PKIB: variants seen among roughly 807,000 people sequenced by gnomAD.
PKIB encodes the protein cAMP-dependent protein kinase inhibitor beta.
A neutral mutation model predicts 4.5 loss-of-function variants in PKIB; 2 were observed. That is an observed-to-expected ratio of 0.44 (90% confidence interval 0.18 to 1.39). The LOEUF is 1.39. PKIB is among the 40% of genes most tolerant of loss of function. The pLI is 0.27. For missense variants in PKIB, 94 were observed against 92.6 expected, an observed-to-expected ratio of 1.02 and a Z score of -0.06; for synonymous variants, 38 against 36.0, an observed-to-expected ratio of 1.06 and a Z score of -0.20.
chr6:122,664,272 T>A (rs1241186844), intron 2 of PKIB, among the ~76,000 whole-genome samples: 1 of 152,168 alleles, frequency 6.6e-6, no homozygotes, highest in East Asian at 1.9e-4. Context: ...GCCAGACAAA[T>A]CCTGACATGG....
chr6:122,568,432 G>A (rs1773256167), intron 2 of PKIB, among the ~76,000 whole-genome samples: 1 of 152,172 alleles, frequency 6.6e-6, no homozygotes, highest in Non-Finnish European at 1.5e-5. Flanking sequence ...GCCTCCAGAG[G>A]ACATATCCCC....
chr6:122,705,640 A>G (rs1779029761), intron 3 of PKIB, among the ~76,000 whole-genome samples: 1 of 140,460 alleles, frequency 7.1e-6, no homozygotes, highest in Non-Finnish European at 1.5e-5. Flanking sequence ...ATTTCGACTC[A>G]CTGCAACCTC....
chr6:122,637,389 C>A (rs1442598681), intron 2 of PKIB, among the ~76,000 whole-genome samples: 1 of 152,026 alleles, frequency 6.6e-6, no homozygotes, highest in Non-Finnish European at 1.5e-5. Context: ...TACTAATTTG[C>A]TATTTTATCT....
chr6:122,701,465 A>C, intron 3 of PKIB: 1 of 1,591,160 alleles, frequency 6.3e-7, no homozygotes, highest in Non-Finnish European at 8.6e-7. Flanking sequence ...ATCACCTGCC[A>C]AACACAGGCT....
chr6:122,579,695 T>C (rs1773650318), intron 2 of PKIB, among the ~76,000 whole-genome samples: 1 of 152,210 alleles, frequency 6.6e-6, no homozygotes, highest in Non-Finnish European at 1.5e-5. Flanking sequence ...TACTCTCTAG[T>C]ATTTTCTCTA....
intron 1 of PKIB, among the ~76,000 whole-genome samples, chr6:122,613,959 C>CAA (rs67112737): frequency 0.24 from 18,256 of 77,224 alleles, 2,439 homozygotes; most frequent in Non-Finnish European, 0.3. Flanking sequence ...GAGACTCCAT[C>CAA]AAAAAAAAAA....
At chr6:122,716,499 A>G (rs1779502739) in intron 3 of PKIB, among the ~76,000 whole-genome samples, 3 of 152,194 alleles carry the variant, frequency 2.0e-5, no homozygotes, top group Admixed American at 6.5e-5. Context: ...CAAATTTCCC[A>G]TGATTCCTGG....
intron 3 of PKIB, among the ~76,000 whole-genome samples, chr6:122,707,209 T>C (rs1779098968): frequency 6.6e-6 from 1 of 152,084 alleles, no homozygotes; most frequent in Non-Finnish European, 1.5e-5. Context: ...TTTTTTTTCC[T>C]CTATGACCCA....
At chr6:122,685,931 A>G (rs1486918994) in intron 3 of PKIB, among the ~76,000 whole-genome samples, 1 of 152,146 alleles carries the variant, frequency 6.6e-6, no homozygotes, top group Non-Finnish European at 1.5e-5. Context: ...TGCCTGGCTT[A>G]TTTCAATTAA....
intron 2 of PKIB, among the ~76,000 whole-genome samples, chr6:122,570,737 T>C (rs931848295): frequency 1.1e-4 from 16 of 151,930 alleles, no homozygotes; most frequent in African/African-American, 3.6e-4. Flanking sequence ...AAAAAGAAAT[T>C]AAATAAAAAC....
At chr6:122,667,393 T>C (rs1210939845) in intron 2 of PKIB, among the ~76,000 whole-genome samples, 1 of 151,902 alleles carries the variant, frequency 6.6e-6, no homozygotes, top group African/African-American at 2.4e-5. Context: ...AAAAATTAGC[T>C]GGGCGTGGTG....
intron 2 of PKIB, among the ~76,000 whole-genome samples, chr6:122,573,521 C>CAAAAA (rs61014475): frequency 1.1e-5 from 1 of 87,584 alleles, no homozygotes; most frequent in Non-Finnish European, 2.3e-5. Context: ...GACTCTGTCT[C>CAAAAA]AAAAAAAAAA....
chr6:122,718,227 T>C (rs1779579631), intron 4 of PKIB, among the ~76,000 whole-genome samples: 1 of 152,212 alleles, frequency 6.6e-6, no homozygotes, highest in Admixed American at 6.5e-5. Context: ...AAGCTAGTAA[T>C]TGGGAATACA....
intron 2 of PKIB, among the ~76,000 whole-genome samples, chr6:122,637,401 C>T (rs1775961635): frequency 1.3e-5 from 2 of 152,046 alleles, no homozygotes; most frequent in South Asian, 4.2e-4. Flanking sequence ...ATTTTATCTC[C>T]TGAAGGCACA....
intron 2 of PKIB, among the ~76,000 whole-genome samples, chr6:122,674,601 G>C (rs1294582045): frequency 6.6e-6 from 1 of 152,152 alleles, no homozygotes; most frequent in Non-Finnish European, 1.5e-5. Flanking sequence ...TGTGGGTACT[G>C]GTAATATTGG....
At chr6:122,595,393 T>C (rs2566819) in intron 3 of PKIB, among the ~76,000 whole-genome samples, 122,961 of 152,100 alleles carry the variant, frequency 0.81, 50,133 homozygotes, top group South Asian at 0.95. Context: ...TGAGCATGAA[T>C]CCACTGCCGC....
At chr6:122,549,881 A>C (rs1330191131) in intron 2 of PKIB, among the ~76,000 whole-genome samples, 1 of 146,700 alleles carries the variant, frequency 6.8e-6, no homozygotes, top group Non-Finnish European at 1.5e-5. Flanking sequence ...AAAATATATA[A>C]TTTTATATAT....
At chr6:122,557,598 A>G (rs1772884607) in intron 2 of PKIB, among the ~76,000 whole-genome samples, 1 of 152,216 alleles carries the variant, frequency 6.6e-6, no homozygotes, top group Non-Finnish European at 1.5e-5. Flanking sequence ...TGACAAAACC[A>G]AGGAGCTCTT....
intron 2 of PKIB, among the ~76,000 whole-genome samples, chr6:122,494,137 A>AT (rs1776013913): frequency 6.6e-6 from 1 of 152,156 alleles, no homozygotes; most frequent in Non-Finnish European, 1.5e-5. Flanking sequence ...GAACTTTCTT[A>AT]TTTGAGAACA....
Sources: gnomAD v4.1 joint callset for allele counts (sites outside exome capture counted in the v4.1 genomes callset) on GRCh38, gnomAD v4.1.1 for gene constraint, MANE v1.5 for transcripts, NCBI Gene and HGNC (gene_info 2026-07-23, HGNC 2026-07-21) for gene names.